The following DMD variants were observed in gnomAD, a reference collection of about 807,000 sequenced individuals.
DMD encodes mutant dystrophin.
Under a neutral mutation model 330.1 loss-of-function variants are expected in DMD, and 63 were observed. The ratio of observed to expected loss-of-function variants is 0.19; its 90% CI spans 0.16 to 0.24. The LOEUF (loss-of-function observed/expected upper bound fraction) is 0.24. Ranked by LOEUF, DMD falls within the 10% of genes least tolerant of loss-of-function variation. The pLI is 1.00. For synonymous variants in DMD, 1,223 were observed against 959.8 expected, an observed-to-expected ratio of 1.27 and a Z score of -5.07; for missense variants, 3,344 against 2,684.1, an observed-to-expected ratio of 1.25 and a Z score of -5.43.
intron 60 of DMD, among the ~76,000 whole-genome samples, chrX:31,379,621 T>C (rs2060056504): frequency 8.9e-6 from 1 of 111,931 alleles, no homozygotes; most frequent in Non-Finnish European, 1.9e-5. Context: ...AATAATAAAG[T>C]AGAGGCAGCC....
intron 20 of DMD, among the ~76,000 whole-genome samples, chrX:32,489,015 A>C (rs2042738727): frequency 1.8e-5 from 2 of 111,584 alleles, no homozygotes; most frequent in African/African-American, 6.5e-5. Flanking sequence ...CCCTCAAGGA[A>C]GATGCCCTTG....
intron 45 of DMD, among the ~76,000 whole-genome samples, chrX:31,948,712 TA>T (rs909083190): frequency 7.2e-5 from 8 of 111,503 alleles, no homozygotes; most frequent in African/African-American, 2.6e-4. Flanking sequence ...TTAAATATTT[TA>T]AAAATCAAGT....
intron 29 of DMD, among the ~76,000 whole-genome samples, chrX:32,427,785 T>C (rs2148083170): frequency 9.0e-6 from 1 of 111,714 alleles, no homozygotes; most frequent in East Asian, 2.8e-4. Flanking sequence ...AGGAAGACTT[T>C]TAATTTGTGA....
At chrX:32,237,193 A>T (rs1371228311) in intron 43 of DMD, among the ~76,000 whole-genome samples, 1 of 111,634 alleles carries the variant, frequency 9.0e-6, no homozygotes, top group African/African-American at 3.3e-5. Flanking sequence ...ATGTTTAGGC[A>T]ATCCATCAAT....
At chrX:32,435,220 A>G in intron 29 of DMD, among the ~76,000 whole-genome samples, 1 of 102,244 alleles carries the variant, frequency 9.8e-6, no homozygotes, top group African/African-American at 3.5e-5. Flanking sequence ...GGATATATAT[A>G]TATGTATATT....
intron 55 of DMD, among the ~76,000 whole-genome samples, chrX:31,596,454 A>G (rs2077118135): frequency 8.9e-6 from 1 of 111,992 alleles, no homozygotes; most frequent in African/African-American, 3.2e-5. Context: ...ACAGCTTAAT[A>G]AATTTGTATT....
intron 67 of DMD, among the ~76,000 whole-genome samples, chrX:31,193,215 C>A (rs2042559290): frequency 8.9e-6 from 1 of 112,359 alleles, no homozygotes; most frequent in African/African-American, 3.2e-5. Context: ...TTAATTATGT[C>A]AATGTGTTGT....
At chrX:32,748,008 C>G (rs1166187758) in intron 7 of DMD, among the ~76,000 whole-genome samples, 1 of 111,524 alleles carries the variant, frequency 9.0e-6, no homozygotes. Context: ...TACTATATGA[C>G]AAGCACAATG....
chrX:33,095,429 T>C (rs947530703), intron 1 of DMD, among the ~76,000 whole-genome samples: 2 of 112,154 alleles, frequency 1.8e-5, no homozygotes, highest in African/African-American at 6.5e-5. Context: ...TGTCCCTTGT[T>C]ATGGTTTTAT....
At chrX:31,707,414 G>C (rs2084280495) in intron 52 of DMD, among the ~76,000 whole-genome samples, 1 of 110,538 alleles carries the variant, frequency 9.0e-6, no homozygotes, top group Non-Finnish European at 1.9e-5. Context: ...TGGGAGCTAA[G>C]CACTGAGCAC....
intron 50 of DMD, among the ~76,000 whole-genome samples, chrX:31,782,604 A>G (rs1346908760): frequency 9.0e-6 from 1 of 111,361 alleles, no homozygotes; most frequent in Non-Finnish European, 1.9e-5. Flanking sequence ...TAAAAAAAAA[A>G]AATGATTCTT....
intron 67 of DMD, among the ~76,000 whole-genome samples, chrX:31,197,219 G>A (rs779423635): frequency 9.0e-6 from 1 of 111,554 alleles, no homozygotes; most frequent in Admixed American, 9.6e-5. Flanking sequence ...GCAGAGCTCA[G>A]ATTTGGACTC....
chrX:32,832,726 T>C (rs1228212849), intron 4 of DMD, among the ~76,000 whole-genome samples: 1 of 111,971 alleles, frequency 8.9e-6, no homozygotes, highest in Non-Finnish European at 1.9e-5. Flanking sequence ...CTGTTTAAAA[T>C]TTCAAGACTT....
At chrX:32,452,093 T>C (rs941328170) in intron 26 of DMD, among the ~76,000 whole-genome samples, 3 of 108,102 alleles carry the variant, frequency 2.8e-5, no homozygotes, top group Admixed American at 1.0e-4. Context: ...AAATCGCTCA[T>C]AGGGAGAGGG....
chrX:32,406,319 CT>C (rs1238997927), intron 30 of DMD, among the ~76,000 whole-genome samples: 1 of 111,473 alleles, frequency 9.0e-6, no homozygotes, highest in Non-Finnish European at 1.9e-5. Context: ...GAGGGCACCC[CT>C]GTCTTGTGCC....
In DMD at chrX:33,155,464, C is replaced by T. The variant is rs969271063; in HGVS notation, c.31+55818G>A. ...CTGAGTAGCTGGAACTACAGGTGCC[C>T]GCCACCACACCCAGCTAATTTTTGT... On this transcript the variant is annotated intron_variant, in intron 1 of 78. Coordinates refer to ENST00000357033, the MANE Select transcript of DMD (RefSeq NM_004006.3). Among the ~76,000 whole-genome samples the T allele has an allele frequency of 5.5e-5, 6 of 110,074 alleles. No individual in the cohort carries two copies. In the East Asian group the frequency reaches 8.6e-4, roughly 16 times the overall value.
intron 7 of DMD, among the ~76,000 whole-genome samples, chrX:32,779,263 CAGAG>C (rs35991046): frequency 9.2e-6 from 1 of 109,078 alleles, no homozygotes; most frequent in African/African-American, 3.4e-5. Flanking sequence ...TGCACACACA[CAGAG>C]AGTCATTACT....
intron 2 of DMD, among the ~76,000 whole-genome samples, chrX:32,908,827 G>A (rs1390563381): frequency 1.8e-5 from 2 of 111,503 alleles, no homozygotes; most frequent in Non-Finnish European, 3.8e-5. Context: ...TAAAAATTCC[G>A]TGTCATGCCA....
intron 1 of DMD, among the ~76,000 whole-genome samples, chrX:33,024,093 TCA>T (rs777455636): frequency 6.2e-5 from 7 of 112,053 alleles, no homozygotes; most frequent in Non-Finnish European, 1.9e-5. Flanking sequence ...TACATACACA[TCA>T]CACATATATA....
Sources: allele counts gnomAD v4.1 joint callset (sites outside exome capture counted in the v4.1 genomes callset), GRCh38; gene constraint gnomAD v4.1.1; transcripts MANE v1.5; gene names NCBI Gene and HGNC (gene_info 2026-07-23, HGNC 2026-07-21).